HDAC1: variants seen among roughly 807,000 people sequenced by gnomAD.
The protein encoded by HDAC1 is protein deacetylase HDAC1.
A neutral mutation model predicts 65.5 loss-of-function variants in HDAC1; 18 were observed. The ratio of observed to expected loss-of-function variants is 0.27; its 90% CI spans 0.19 to 0.41. HDAC1 has a LOEUF of 0.41. Among genes scored for constraint, HDAC1 ranks in the 10% least tolerant of loss-of-function variants. The pLI, the probability that HDAC1 is intolerant of heterozygous loss-of-function variation, is 1.00. For missense variants in HDAC1, 373 were observed against 625.2 expected, an observed-to-expected ratio of 0.60 and a Z score of 4.30; for synonymous variants, 211 against 227.9, an observed-to-expected ratio of 0.93 and a Z score of 0.67.
At chr1:32,308,524 T>C (rs1640942952) in intron 2 of HDAC1, among the ~76,000 whole-genome samples, 1 of 152,092 alleles carries the variant, frequency 6.6e-6, no homozygotes, top group Non-Finnish European at 1.5e-5. Context: ...TAATTTTTAT[T>C]TATTTATTTT....
At chr1:32,315,880 G>A (rs569778607) in intron 2 of HDAC1, among the ~76,000 whole-genome samples, 4 of 151,340 alleles carry the variant, frequency 2.6e-5, no homozygotes, top group Admixed American at 2.6e-4. Flanking sequence ...CAGGAGAATC[G>A]CTTGAACCCA....
In HDAC1 at chr1:32,327,743, C is replaced by T; in HGVS notation, c.636+66C>T. On this transcript the variant is annotated intron_variant, in intron 6 of 13. Transcript: ENST00000373548. The surrounding 1 kb of genome is among the most constrained non-coding windows in gnomAD (Gnocchi z 6.0). ...TGGCAGCTCTACTTCTCTCTCCTATCTCATGCCACTAAAAATTGCTTCTTG... is the reference window on the plus strand; with the variant it reads ...TGGCAGCTCTACTTCTCTCTCCTATTTCATGCCACTAAAAATTGCTTCTTG... 6.8e-7 allele frequency: 1 copy of T among 1,479,592 alleles called. No homozygotes were observed. Among genetic ancestry groups the T allele is most frequent in the Non-Finnish European group, 9.4e-7 (1 of 1,059,624 alleles). 91.7% of individuals were successfully genotyped at this position (1,479,592 alleles called of 1,614,324 possible).
At chr1:32,303,152 G>C (rs1640871379) in intron 2 of HDAC1, among the ~76,000 whole-genome samples, 1 of 152,150 alleles carries the variant, frequency 6.6e-6, no homozygotes, top group East Asian at 1.9e-4. Context: ...CAGCTTGGGG[G>C]GCAGAGCAAG....
intron 1 of HDAC1, chr1:32,292,566 C>T (rs1160229197): frequency 2.3e-6 from 1 of 429,054 alleles, no homozygotes; most frequent in Non-Finnish European, 3.1e-6. Flanking sequence ...CATTTTCTTG[C>T]CGAGAACCCA....
At chr1:32,323,387 C>G (rs1641175278) in intron 3 of HDAC1, among the ~76,000 whole-genome samples, 1 of 151,972 alleles carries the variant, frequency 6.6e-6, no homozygotes, top group Admixed American at 6.6e-5. Flanking sequence ...ACCTGTTTCC[C>G]TACTTATTTA....
chr1:32,321,750 C>G (rs1641149270), intron 3 of HDAC1, among the ~76,000 whole-genome samples: 1 of 151,754 alleles, frequency 6.6e-6, no homozygotes, highest in African/African-American at 2.4e-5. Context: ...TTCTCACGTC[C>G]AAAACACCCA....
Position 32,331,760 on chromosome 1 carries a change from G to A in HDAC1, c.1173G>A (p.Glu391=). 6.2e-7 allele frequency: 1 copy of A among 1,614,072 alleles called. No homozygotes were observed. Residue 391 remains glutamate (E), a synonymous_variant, in exon 11 of 14, where the codon GAG becomes GAA. Transcript: ENST00000373548. This position sits in a 1 kb window ranked among gnomAD's most constrained non-coding sequence, Gnocchi z 4.2. ...MQAIPEDAIP[E]ESGDEDEDDP... is the part of the protein sequence containing the mutation. Reference sequence around the variant, plus strand: ...CGATTCCTGAGGACGCCATCCCTGAGGAGAGTGGCGATGAGGACGAAGACG... The same window carrying A: ...CGATTCCTGAGGACGCCATCCCTGAAGAGAGTGGCGATGAGGACGAAGACG...
chr1:32,319,384 G>A (rs1451465834), intron 3 of HDAC1, among the ~76,000 whole-genome samples: 1 of 152,170 alleles, frequency 6.6e-6, no homozygotes, highest in Non-Finnish European at 1.5e-5. Flanking sequence ...AGTAGACAGA[G>A]ACTTTAGATG....
Position 32,332,108 on chromosome 1 carries a change from G to A in HDAC1, c.1238G>A (p.Arg413Gln), listed in dbSNP as rs771500958. The change falls in exon 12 of 14, where the codon CGA (arginine) becomes CAA (glutamine). Residue 413 changes from arginine (R) to glutamine (Q), a missense_variant. This residue lies in a region of HDAC1 where 126 missense variants were observed against 126.2 expected (regional missense o/e 1.00). Transcript: ENST00000373548. ...KRISICSSDKRIACEEEFSDS... is the reference protein window; with the variant it reads ...KRISICSSDKQIACEEEFSDS... ...CTCCCAGTCTGCTCCTCTGACAAAC[G>A]AATTGCCTGTGAGGAAGAGTTCTCC... is the stretch of plus-strand genomic sequence containing the variant. 3 of 1,605,526 alleles carry A rather than the reference G, an allele frequency of 1.9e-6. No homozygotes were observed. Among genetic ancestry groups the A allele is most frequent in the East Asian group, 2.2e-5 (1 of 44,780 alleles).
rs79313094 is a variant in HDAC1 at position 32,325,364 on chromosome 1, C to T, written c.355+811C>T. ...CCAATATAATCATTGTGTCCATCCC[C>T]GCTGCCCCACCAATATAATCACAGA... On this transcript the variant is annotated intron_variant, in intron 4 of 13. Transcript: ENST00000373548. 8.5e-3 allele frequency among the ~76,000 whole-genome samples: 1,289 copies of T among 152,206 alleles called. 3 individuals are homozygous for T. The highest frequency in any genetic ancestry group is 0.034 in the Middle Eastern group (10 of 294).
rs1302740755 is a variant in HDAC1, at chr1:32,331,445, T to C, written c.980-29T>C. On this transcript the variant is annotated intron_variant, in intron 9 of 13. Transcript: ENST00000373548. The surrounding 1 kb of genome is among the most constrained non-coding windows in gnomAD (Gnocchi z 4.2). ...GGTTAGGGTGCGGTGGCCAGGTCTC[T>C]TGACGGTCTTCTCTCCTGCCCCAAT... 7.4e-6 allele frequency: 10 copies of C among 1,358,502 alleles called. No individual in the cohort carries two copies. The highest frequency in any genetic ancestry group is 3.5e-5 in the South Asian group (3 of 85,914). The allele number at this position is 1,358,502 out of a possible 1,614,324, so 84.2% of individuals were successfully genotyped here. A position where few individuals can be genotyped will look rare whatever the true frequency, so the allele number is the denominator to read the frequency against.
chr1:32,316,527 T>C, intron 2 of HDAC1, 138 bp from the exon 3 acceptor site: 2 of 651,018 alleles, frequency 3.1e-6, no homozygotes, highest in East Asian at 2.6e-5. Flanking sequence ...TCTTGAAGCC[T>C]GAATCTAACC....
chr1:32,309,699 A>AC, intron 2 of HDAC1, among the ~76,000 whole-genome samples: 1 of 148,518 alleles, frequency 6.7e-6, no homozygotes, highest in Non-Finnish European at 1.5e-5. Flanking sequence ...AAAAAAAAAA[A>AC]AAACAAGCCT....
In HDAC1 at chr1:32,324,536, C is replaced by CTA. The variant is rs1306645347; in HGVS notation, c.339_340dup (p.Thr114IlefsTer10). 1 of 1,611,108 alleles carries CTA rather than the reference C, an allele frequency of 6.2e-7. No individual in the cohort carries two copies. The highest frequency in any genetic ancestry group is 1.1e-5 in the South Asian group (1 of 91,018). ...GGCCTGTTTGAGTTCTGTCAGTTGT[C>CTA]TACTGGTGGTTCTGTGGGTAAGGAA... On this transcript the variant is annotated frameshift_variant, in exon 4 of 14. Coordinates refer to ENST00000373548, the MANE Select transcript of HDAC1 (RefSeq NM_004964.3). LOFTEE classifies it high-confidence loss of function.
chr1:32,323,459 G>A (rs1406359309), intron 3 of HDAC1, among the ~76,000 whole-genome samples: 2 of 151,906 alleles, frequency 1.3e-5, no homozygotes, highest in African/African-American at 2.4e-5. Flanking sequence ...GTGCAGTTGC[G>A]CGATCTCAGC....
intron 2 of HDAC1, among the ~76,000 whole-genome samples, chr1:32,309,696 A>AC (rs1640964170): frequency 6.7e-6 from 1 of 148,568 alleles, no homozygotes; most frequent in African/African-American, 2.4e-5. Flanking sequence ...AAAAAAAAAA[A>AC]AAAAAACAAG....
chr1:32,332,506 G>C (rs1026847077), intron 12 of HDAC1, among the ~76,000 whole-genome samples, 195 bp from the exon 13 acceptor site: 5 of 152,196 alleles, frequency 3.3e-5, no homozygotes, highest in Admixed American at 2.6e-4. Context: ...CGCCCACCAG[G>C]TTCTGGCTGT....
intron 3 of HDAC1, among the ~76,000 whole-genome samples, chr1:32,318,600 G>T (rs1197762522): frequency 6.6e-6 from 1 of 151,608 alleles, no homozygotes; most frequent in African/African-American, 2.4e-5. Context: ...CAAGGATGGG[G>T]GAATAAGTGA....
intron 2 of HDAC1, among the ~76,000 whole-genome samples, chr1:32,312,261 C>T (rs560627417): frequency 2.0e-5 from 3 of 152,292 alleles, no homozygotes; most frequent in East Asian, 1.9e-4. Flanking sequence ...CTCTGGATTC[C>T]TTCCAGTTTA....
Sources: gnomAD v4.1 joint callset for allele counts (sites outside exome capture counted in the v4.1 genomes callset) on GRCh38, gnomAD v4.1.1 for gene constraint, gnomAD v4.1.1 regional missense constraint, Gnocchi (gnomAD v3.1) non-coding constraint, MANE v1.5 for transcripts, NCBI Gene and HGNC (gene_info 2026-07-23, HGNC 2026-07-21) for gene names.